IDS: variants seen among roughly 807,000 people sequenced by gnomAD.
The protein encoded by IDS is alpha-L-iduronate sulfate sulfatase.
Under a neutral mutation model 33.5 loss-of-function variants are expected in IDS, and 1 was observed. That is an observed-to-expected ratio of 0.03 (90% CI 0.01 to 0.14). IDS has a LOEUF of 0.14. IDS is among the 10% of genes least tolerant of loss of function. The pLI is 1.00. For missense variants in IDS, 328 were observed against 448.0 expected (o/e 0.73, Z 2.42); for synonymous variants, 191 against 184.4 (o/e 1.04, Z -0.29).
rs1039990769 is a variant in IDS, at chrX:149,480,954, G to A, written c.*1792C>T. On this transcript the variant is annotated 3_prime_UTR_variant, in exon 9 of 9. Transcript: ENST00000340855. ...GAGAGATTTCTACAAATAAAGTGAC[G>A]GGAGGACCACTAATAAGTTATGTCC... The A allele has an allele frequency of 1.7e-4, 19 of 112,006 alleles. No individual in the cohort carries two copies. Among genetic ancestry groups the A allele is most frequent in the African/African-American group, 6.2e-4 (19 of 30,792 alleles). The allele number at this position is 112,006 out of a possible 1,213,427, so 9.2% of individuals were successfully genotyped here.
chrX:149,504,411 C>T, intron 1 of IDS, 118 bp from the exon 2 acceptor site: 1 of 774,873 alleles, frequency 1.3e-6, no homozygotes, highest in Non-Finnish European at 1.9e-6. Flanking sequence ...AACAGCCTAG[C>T]CAGGGAGGGC....
At chrX:149,504,443 G>C in intron 1 of IDS, 150 bp from the exon 2 acceptor site, 1 of 607,866 alleles carries the variant, frequency 1.6e-6, no homozygotes, top group East Asian at 3.8e-5. Flanking sequence ...GCAAGGGTGG[G>C]AGTGGGGCTC....
rs139027697 is a variant in IDS, at chrX:149,491,820, A to C, written c.880-1380T>G. Among the ~76,000 whole-genome samples, 217 of 112,363 alleles carry C rather than the reference A, an allele frequency of 1.9e-3. 2 individuals carry two copies. The highest frequency in any genetic ancestry group is 6.5e-3 in the African/African-American group (201 of 30,923). The stretch of plus-strand genomic sequence containing the variant: ...CAGTGAGGACACAATCATGGAGACA[A>C]GAAAATGCTTAATTATCAGTGAGGC... On this transcript the variant is annotated intron_variant, in intron 6 of 8. Transcript: ENST00000340855.
chrX:149,493,518 G>GA (rs1557338961), intron 6 of IDS, among the ~76,000 whole-genome samples: 1 of 111,677 alleles, frequency 9.0e-6, no homozygotes, highest in African/African-American at 3.3e-5. Flanking sequence ...GTGGAAAGCA[G>GA]AAACAGGCAG....
In IDS at chrX:149,492,079, G is replaced by C. The variant is rs970123310; in HGVS notation, c.880-1639C>G. ...TTCAGGGAACCTCACAAGCACAGAC[G>C]ATCAAAGGTCAGTTCCTGGTCAACA... On this transcript the variant is annotated intron_variant, in intron 6 of 8. Transcript: ENST00000340855. Among the ~76,000 whole-genome samples the C allele has an allele frequency of 3.6e-5, 4 of 112,135 alleles. No individual in the cohort carries two copies. In the Admixed American group the frequency reaches 3.8e-4, roughly 11 times the overall value.
rs1240031144 is a variant in IDS at position 149,477,302 on chromosome X, G to A, written c.*5444C>T. The A allele has an allele frequency of 1.8e-5, 2 of 112,385 alleles. No individual in the cohort carries two copies. The highest frequency in any genetic ancestry group is 3.2e-5 in the African/African-American group (1 of 30,853). The allele number at this position is 112,385 out of a possible 1,213,427, so 9.3% of individuals were successfully genotyped here. A position where few individuals can be genotyped will look rare whatever the true frequency, so the allele number is the denominator to read the frequency against. On this transcript the variant is annotated 3_prime_UTR_variant, in exon 9 of 9. Coordinates refer to ENST00000340855, the MANE Select transcript of IDS (RefSeq NM_000202.8). ...GGCCTTTGCTCCTCTCCTTGTCCAC[G>A]TCCCAACTCTTGTTTCCTAGCATGT... is the stretch of plus-strand genomic sequence containing the variant.
intron 8 of IDS, among the ~76,000 whole-genome samples, chrX:149,486,544 C>G (rs142169140): frequency 1.8e-5 from 2 of 111,849 alleles, no homozygotes; most frequent in African/African-American, 6.5e-5. Flanking sequence ...ACCAAAAGTG[C>G]GCATCGAGGG....
At chrX:149,484,134 A>G (rs2089315090) in intron 8 of IDS, among the ~76,000 whole-genome samples, 2 of 112,620 alleles carry the variant, frequency 1.8e-5, no homozygotes, top group Admixed American at 1.9e-4. Context: ...CTTTGATTGA[A>G]TACCTGTTTT....
chrX:149,499,626 TG>T (rs1329194699), intron 4 of IDS, among the ~76,000 whole-genome samples: 1 of 111,456 alleles, frequency 9.0e-6, no homozygotes, highest in Non-Finnish European at 1.9e-5. Context: ...AAGATCGATT[TG>T]GGTGATGGCT....
At chrX:149,484,359 C>A (rs896620445) in intron 8 of IDS, among the ~76,000 whole-genome samples, 2 of 112,473 alleles carry the variant, frequency 1.8e-5, no homozygotes, top group African/African-American at 6.5e-5. Context: ...GCCCTGTCTC[C>A]AGGATGGAGT....
rs1173981976 is a variant in IDS at position 149,481,278 on chromosome X, T to C, written c.*1468A>G. On this transcript the variant is annotated 3_prime_UTR_variant, in exon 9 of 9. Coordinates refer to ENST00000340855, the MANE Select transcript of IDS (RefSeq NM_000202.8). Reference sequence around the variant, plus strand: ...GGCCCTTCAGTCACGGAGAAGTCGTTGTTGCCAGAACAGTCAGTCACTTAA... The same window carrying C: ...GGCCCTTCAGTCACGGAGAAGTCGTCGTTGCCAGAACAGTCAGTCACTTAA... 1 of 112,386 alleles carries C rather than the reference T, an allele frequency of 8.9e-6. No homozygotes were observed. Among genetic ancestry groups the C allele is most frequent in the Non-Finnish European group, 1.9e-5 (1 of 53,284 alleles). 9.3% of individuals were successfully genotyped at this position (112,386 alleles called of 1,213,427 possible).
chrX:149,477,572 T>C lies in IDS; in HGVS notation c.*5174A>G, dbSNP rs1557336996. 1 of 112,712 alleles carries C rather than the reference T, an allele frequency of 8.9e-6. No individual in the cohort carries two copies. The highest frequency in any genetic ancestry group is 1.9e-5 in the Non-Finnish European group (1 of 53,299). The allele number at this position is 112,712 out of a possible 1,213,427, so 9.3% of individuals were successfully genotyped here. ...TGGTGATTAGCACCATACATGACAG[T>C]GATGTCAGGCAGGGCATGGAGTAAT... is the stretch of plus-strand genomic sequence containing the variant. On this transcript the variant is annotated 3_prime_UTR_variant, in exon 9 of 9. Coordinates refer to ENST00000340855, the MANE Select transcript of IDS (RefSeq NM_000202.8).
intron 8 of IDS, among the ~76,000 whole-genome samples, chrX:149,484,909 C>T (rs1313674085): frequency 8.9e-6 from 1 of 112,048 alleles, no homozygotes; most frequent in Non-Finnish European, 1.9e-5. Flanking sequence ...CTGGCTGATG[C>T]TAGCTAGCTC....
At chrX:149,497,184 A>C (rs782417837) in intron 5 of IDS, among the ~76,000 whole-genome samples, 1 of 111,955 alleles carries the variant, frequency 8.9e-6, no homozygotes, top group South Asian at 3.7e-4. Context: ...CAGAAAAAAA[A>C]AAACAAACCC....
At position 149,498,285 on chromosome X, in the gene IDS, T is replaced by C; in HGVS notation, c.530A>G (p.Glu177Gly). The C allele has an allele frequency of 8.3e-7, 1 of 1,210,471 alleles. No individual in the cohort carries two copies. The highest frequency in any genetic ancestry group is 1.1e-6 in the Non-Finnish European group (1 of 894,285). ...NTKTCRGPDG[E>G]LHANLLCPVD... ...AGGGCAAAGCAGGTTGGCATGGAGT[T>C]CTCCATCTGGCCCTCGACATGTCTT... The change falls in exon 5 of 9, where the codon GAA (glutamate) becomes GGA (glycine). Residue 177 changes from glutamate (E) to glycine (G), a missense_variant. Glu to Gly is a moderately conservative substitution (Grantham distance 98). Transcript: ENST00000340855.
In IDS at chrX:149,494,922, T is replaced by A. The variant is rs1206014430; in HGVS notation, c.879+1424A>T. Among the ~76,000 whole-genome samples the A allele has an allele frequency of 2.7e-5, 3 of 111,562 alleles. No individual in the cohort carries two copies. In the South Asian group the frequency reaches 1.1e-3, roughly 42 times the overall value. ...ACCCACACTGCTGGGAACCAACAGA[T>A]CCAACCATGGGGCTTTGGAGTTACA... On this transcript the variant is annotated intron_variant, in intron 6 of 8. Transcript: ENST00000340855.
chrX:149,504,041 C>T (rs2089502606), intron 2 of IDS, 116 bp downstream of exon 2: 2 of 662,101 alleles, frequency 3.0e-6, no homozygotes, highest in Admixed American at 5.7e-5. Flanking sequence ...ACTATGCTTC[C>T]CTCTAACAAG....
chrX:149,486,993 G>A lies in IDS; in HGVS notation c.1112C>T (p.Pro371Leu), dbSNP rs782471629. 2.0e-5 allele frequency: 24 copies of A among 1,211,794 alleles called. No homozygotes were observed. Among genetic ancestry groups the A allele is most frequent in the East Asian group, 8.9e-5 (3 of 33,859 alleles). The change falls in exon 8 of 9, where the codon CCG becomes CTG. Residue 371 changes from proline (P) to leucine (L), a missense_variant. This residue lies in a region of IDS where 265 missense variants were observed against 339.2 expected (regional missense o/e 0.78). Coordinates refer to ENST00000340855, the MANE Select transcript of IDS (RefSeq NM_000202.8). ...FYVPGRTASL[P>L]EAGEKLFPYL... ...AGGGAAAAGCTTCTCGCCTGCCTCCGGAAGTGAAGCCGTCCTTCCAGGAAC... is the reference window on the plus strand; with the variant it reads ...AGGGAAAAGCTTCTCGCCTGCCTCCAGAAGTGAAGCCGTCCTTCCAGGAAC...
At chrX:149,502,785 A>G (rs1189692268) in intron 3 of IDS, 1 of 163,857 alleles carries the variant, frequency 6.1e-6, no homozygotes, top group African/African-American at 3.0e-5. Flanking sequence ...GAGGTAAGGA[A>G]TGTCCGTCTC....
Sources: allele counts gnomAD v4.1 joint callset (sites outside exome capture counted in the v4.1 genomes callset), GRCh38; gene constraint gnomAD v4.1.1; regional missense constraint gnomAD v4.1.1; transcripts MANE v1.5; gene names NCBI Gene and HGNC (gene_info 2026-07-23, HGNC 2026-07-21).